The following NUP93 variants were observed in gnomAD, a reference collection of about 807,000 sequenced individuals.
The protein encoded by NUP93 is nucleoporin 93, also known as nuclear pore complex protein Nup93.
Under a neutral mutation model 107.8 loss-of-function variants are expected in NUP93, and 55 were observed. The observed-to-expected ratio is 0.51, with a 90% confidence interval of 0.41 to 0.64. The LOEUF is 0.64. NUP93 is among the 30% of genes least tolerant of loss of function. The pLI is 0.00. For synonymous variants in NUP93, 390 were observed against 397.5 expected (o/e 0.98, Z 0.22); for missense variants, 937 against 1,044.7 (o/e 0.90, Z 1.42).
intron 3 of NUP93, among the ~76,000 whole-genome samples, chr16:56,797,580 A>C (rs1454036324): frequency 2.6e-5 from 4 of 152,148 alleles, no homozygotes; most frequent in Non-Finnish European, 5.9e-5. Flanking sequence ...GAAGCAAATA[A>C]GGACAATGAA....
chr16:56,759,623 G>A (rs1437556592), intron 3 of NUP93, among the ~76,000 whole-genome samples: 1 of 152,034 alleles, frequency 6.6e-6, no homozygotes, highest in Non-Finnish European at 1.5e-5. Flanking sequence ...AATCATTTTT[G>A]CATGTCAACT....
intron 6 of NUP93, among the ~76,000 whole-genome samples, chr16:56,819,568 A>G (rs1169764856): frequency 6.6e-6 from 1 of 152,150 alleles, no homozygotes; most frequent in Non-Finnish European, 1.5e-5. Context: ...CCTCAACATT[A>G]TCCACCTCAT....
At chr16:56,733,282 C>T (rs1332745063) in intron 1 of NUP93, among the ~76,000 whole-genome samples, 2 of 152,122 alleles carry the variant, frequency 1.3e-5, no homozygotes, top group Admixed American at 6.5e-5. Context: ...GAAGGTGTCC[C>T]TGATGGACTT....
intron 3 of NUP93, among the ~76,000 whole-genome samples, chr16:56,796,284 A>G (rs1053171906): frequency 6.6e-6 from 1 of 152,204 alleles, no homozygotes; most frequent in Admixed American, 6.5e-5. Flanking sequence ...CTTGTCTATA[A>G]TTAGATACAC....
rs2144447475 is a variant in NUP93 at position 56,743,519 on chromosome 16, A to G, written c.-14-4715A>G. On this transcript the variant is annotated intron_variant, in intron 1 of 21. Transcript: ENST00000308159. ...GAGCTTCCCACTGAGAACATTCCTT[A>G]TTTTTAGCATAGTGGGGTATCCTAC... Among the ~76,000 whole-genome samples, 3 of 152,230 alleles carry G rather than the reference A, an allele frequency of 2.0e-5. 1 individual carries two copies. Among genetic ancestry groups the G allele is most frequent in the Admixed American group, 2.0e-4 (3 of 15,298 alleles).
chr16:56,808,115 A>C (rs1021259432), intron 5 of NUP93, among the ~76,000 whole-genome samples: 10 of 123,856 alleles, frequency 8.1e-5, no homozygotes, highest in Admixed American at 8.9e-5. Context: ...ATAAATATAT[A>C]TTATATAACT....
intron 3 of NUP93, among the ~76,000 whole-genome samples, chr16:56,793,852 C>A (rs561124281): frequency 3.9e-5 from 6 of 151,958 alleles, no homozygotes; most frequent in African/African-American, 7.3e-5. Flanking sequence ...CAGGAGTTCG[C>A]GACCAGCCTG....
At chr16:56,753,993 GAA>G (rs1305142788) in intron 2 of NUP93, among the ~76,000 whole-genome samples, 2 of 151,478 alleles carry the variant, frequency 1.3e-5, no homozygotes, top group African/African-American at 2.4e-5. Context: ...TTTTAATGAA[GAA>G]AAGAGGTTTA....
intron 3 of NUP93, among the ~76,000 whole-genome samples, chr16:56,766,410 C>A (rs1432759903): frequency 6.6e-6 from 1 of 152,210 alleles, no homozygotes; most frequent in African/African-American, 2.4e-5. Context: ...AGTGATGCCC[C>A]AGCACTCTGG....
chr16:56,804,871 G>A (rs1050378962), intron 4 of NUP93, among the ~76,000 whole-genome samples: 14 of 148,792 alleles, frequency 9.4e-5, no homozygotes, highest in Non-Finnish European at 1.9e-4. Context: ...GTGCCACTGC[G>A]CTCCAGCCTG....
At chr16:56,803,495 T>C (rs1422626825) in intron 4 of NUP93, among the ~76,000 whole-genome samples, 3 of 152,062 alleles carry the variant, frequency 2.0e-5, no homozygotes. Context: ...AAACTTGTTT[T>C]TTCTTATCTT....
chr16:56,787,491 G>T (rs1962654240), intron 3 of NUP93, among the ~76,000 whole-genome samples: 1 of 152,170 alleles, frequency 6.6e-6, no homozygotes, highest in Non-Finnish European at 1.5e-5. Context: ...AAGCTGCTCA[G>T]CTCCTACCTG....
intron 8 of NUP93, among the ~76,000 whole-genome samples, chr16:56,824,216 A>G (rs1190230709): frequency 6.6e-6 from 1 of 151,780 alleles, no homozygotes; most frequent in Non-Finnish European, 1.5e-5. Flanking sequence ...TTTTAATTTT[A>G]CTCCCAGGCA....
rs369913560 is a variant in NUP93, at chr16:56,762,249, A to T, written c.297+3594A>T. 5.3e-5 allele frequency among the ~76,000 whole-genome samples: 8 copies of T among 152,312 alleles called. No individual in the cohort carries two copies. In the East Asian group the frequency reaches 9.6e-4, roughly 18 times the overall value. ...CTAATGTGTCATGGATACGTGTATT[A>T]TATAATAATAAAGTGCAAATTTACG... On this transcript the variant is annotated intron_variant, in intron 3 of 21. Coordinates refer to ENST00000308159, the MANE Select transcript of NUP93 (RefSeq NM_014669.5).
intron 10 of NUP93, 83 bp from the exon 11 acceptor site, chr16:56,831,759 G>A: frequency 7.0e-7 from 1 of 1,422,300 alleles, no homozygotes; most frequent in South Asian, 1.3e-5. Flanking sequence ...GCTTTTATGT[G>A]TTTGGGACCT....
chr16:56,819,868 C>T (rs1963508148), intron 6 of NUP93, among the ~76,000 whole-genome samples: 2 of 152,280 alleles, frequency 1.3e-5, no homozygotes, highest in South Asian at 4.1e-4. Context: ...GCAGCTGAAA[C>T]CCCCAGCTTC....
chr16:56,763,499 G>GGTGGGTGTGTGTGTGTATGT (rs1240622755), intron 3 of NUP93, among the ~76,000 whole-genome samples: 4 of 149,036 alleles, frequency 2.7e-5, no homozygotes, highest in Non-Finnish European at 6.0e-5. Flanking sequence ...TGTGTGTGTG[G>GGTGGGTGTGTGTGTGTATGT]GTGGGTGTGT....
chr16:56,774,741 A>C (rs143229063), intron 3 of NUP93, among the ~76,000 whole-genome samples: 1 of 152,172 alleles, frequency 6.6e-6, no homozygotes, highest in Middle Eastern at 3.2e-3. Context: ...GCAGATGAAG[A>C]AACTGAGGCA....
intron 7 of NUP93, 53 bp from the exon 8 acceptor site, chr16:56,823,654 G>T: frequency 1.2e-6 from 2 of 1,600,770 alleles, no homozygotes; most frequent in Non-Finnish European, 8.5e-7. Context: ...CAAAGAACTA[G>T]ATAATTTCTC....
Sources: gnomAD v4.1 joint callset for allele counts (sites outside exome capture counted in the v4.1 genomes callset) on GRCh38, gnomAD v4.1.1 for gene constraint, MANE v1.5 for transcripts, NCBI Gene and HGNC (gene_info 2026-07-23, HGNC 2026-07-21) for gene names.